The following ITGA2B variants were observed in gnomAD, a reference collection of about 807,000 sequenced individuals.
The protein encoded by ITGA2B is integrin subunit alpha 2b, also known as integrin alpha-IIb.
ITGA2B carries 91 observed loss-of-function variants against 142.0 expected under a neutral mutation model. The ratio of observed to expected loss-of-function variants is 0.64; its 90% CI spans 0.54 to 0.76. ITGA2B has a LOEUF of 0.76. Ranked by LOEUF, ITGA2B falls within the 30% of genes least tolerant of loss-of-function variation. The pLI, the probability that ITGA2B is intolerant of heterozygous loss-of-function variation, is 0.00. For missense variants in ITGA2B, 1,231 were observed against 1,350.8 expected (o/e 0.91, Z 1.39); for synonymous variants, 536 against 567.2 (o/e 0.94, Z 0.78).
chr17:44,385,513 T>C (rs188601974), intron 4 of ITGA2B, 38 bp downstream of exon 4: 2 of 1,536,498 alleles, frequency 1.3e-6, no homozygotes, highest in African/African-American at 1.4e-5. Context: ...GGCCAAGCCG[T>C]CGCGAGTGGG....
chr17:44,375,968 A>C lies in ITGA2B; in HGVS notation c.2466T>G (p.Pro822=). The C allele has an allele frequency of 6.2e-7, 1 of 1,614,106 alleles. No homozygotes were observed. Among genetic ancestry groups the C allele is most frequent in the Non-Finnish European group, 8.5e-7 (1 of 1,180,000 alleles). ...TGAGGTGAAGACCATTCACAGTCCC[A>C]GGGCCATTGTTGTGGAGCTGAAGGG... The part of the protein sequence containing the change: ...EHTYELHNNG[P]GTVNGLHLSI... The change falls in exon 25 of 30, where the codon CCT becomes CCG. Residue 822 remains proline (P), a synonymous_variant. Transcript: ENST00000262407.
chr17:44,379,884 C>G, intron 17 of ITGA2B, 70 bp from the exon 18 acceptor site: 1 of 1,612,636 alleles, frequency 6.2e-7, no homozygotes, highest in South Asian at 1.1e-5. Context: ...CCAGTAGGCA[C>G]CGTGTCCTGA....
Position 44,378,631 on chromosome 17 carries a change from A to G in ITGA2B, c.1946+12T>C. On this transcript the variant is annotated intron_variant, in intron 19 of 29. Coordinates refer to ENST00000262407, the MANE Select transcript of ITGA2B (RefSeq NM_000419.5). The stretch of plus-strand genomic sequence containing the variant: ...AAGGGCCAGGGTCGGGCAGAATGGG[A>G]GGCCTCCTCACACGCTGGCAGTGAG... 1 of 1,570,152 alleles carries G rather than the reference A, an allele frequency of 6.4e-7. No homozygotes were observed. Among genetic ancestry groups the G allele is most frequent in the Non-Finnish European group, 8.6e-7 (1 of 1,157,294 alleles).
At chr17:44,380,742 G>A (rs2048588951) in intron 13 of ITGA2B, 97 bp from the exon 14 acceptor site, 3 of 1,595,028 alleles carry the variant, frequency 1.9e-6, no homozygotes, top group Non-Finnish European at 2.6e-6. Flanking sequence ...CCCCACTGGA[G>A]GTTTCACCCA....
In ITGA2B at chr17:44,389,329, G is replaced by A. The variant is rs755904345; in HGVS notation, c.145C>T (p.Gln49Ter). 3 of 1,614,148 alleles carry A rather than the reference G, an allele frequency of 1.9e-6. No individual in the cohort carries two copies. The Admixed American group carries it at 5.0e-5, about 27-fold the overall frequency. ...TGGAAGTCCAGTGAAAATCCAAACT[G>A]GCTGCCATTGGGGCCTGCATAGAAG... ...LTFYAGPNGS[Q>*]FGFSLDFHKD... The change falls in exon 1 of 30, where the codon CAG (glutamine) becomes TAG (stop). Residue 49 changes from glutamine (Q) to a stop codon, truncating the protein, a stop_gained. Transcript: ENST00000262407. LOFTEE classifies it high-confidence loss of function.
In ITGA2B at chr17:44,377,032, C is replaced by A. The variant is rs1376263431; in HGVS notation, c.2244G>T (p.Val748=). Residue 748 remains valine (V), a synonymous_variant, in exon 22 of 30, where the codon GTG becomes GTT. Coordinates refer to ENST00000262407, the MANE Select transcript of ITGA2B (RefSeq NM_000419.5). ...VGNLEEAGES[V]SFQLQIRSKN... Reference sequence around the variant, plus strand: ...ACCTCCGTATCTGCAGCTGGAAGGACACAGACTCCCCAGCCTCTTCCAGAT... The same window carrying A: ...ACCTCCGTATCTGCAGCTGGAAGGAAACAGACTCCCCAGCCTCTTCCAGAT... The A allele has an allele frequency of 1.9e-6, 3 of 1,593,002 alleles. No individual in the cohort carries two copies. The highest frequency in any genetic ancestry group is 1.7e-4 in the Middle Eastern group (1 of 5,988).
chr17:44,379,705 G>C lies in ITGA2B; in HGVS notation c.1862C>G (p.Thr621Ser), dbSNP rs1046478560. The C allele has an allele frequency of 6.2e-7, 1 of 1,613,786 alleles. No homozygotes were observed. Among genetic ancestry groups the C allele is most frequent in the Non-Finnish European group, 8.5e-7 (1 of 1,179,960 alleles). The change falls in exon 18 of 30, where the codon ACC becomes AGC. Residue 621 changes from threonine to serine, a missense_variant. By Grantham distance (58) the Thr-to-Ser change is moderately conservative. Coordinates refer to ENST00000262407, the MANE Select transcript of ITGA2B (RefSeq NM_000419.5). ...MAPAVVLHGD[T>S]HVQEQTRIVL... Reference sequence around the variant, plus strand: ...TGTCCCTACCTGCTCCTGCACATGGGTGTCTCCATGCAGCACGACAGCAGG... The same window carrying C: ...TGTCCCTACCTGCTCCTGCACATGGCTGTCTCCATGCAGCACGACAGCAGG...
At chr17:44,385,447 G>A in intron 4 of ITGA2B, 104 bp downstream of exon 4, 8 of 1,523,212 alleles carry the variant, frequency 5.3e-6, no homozygotes, top group African/African-American at 1.4e-5. Flanking sequence ...GCCCTGGGGC[G>A]AGGCCAGATC....
chr17:44,387,586 G>A (rs2048660578), intron 1 of ITGA2B, among the ~76,000 whole-genome samples: 1 of 151,506 alleles, frequency 6.6e-6, no homozygotes, highest in African/African-American at 2.4e-5. Context: ...AGCACTTTGG[G>A]AGGCCAAGGC....
chr17:44,374,510 C>T, intron 28 of ITGA2B, 40 bp from the exon 29 acceptor site: 1 of 1,588,388 alleles, frequency 6.3e-7, no homozygotes, highest in Non-Finnish European at 8.6e-7. Context: ...CACCTTGACA[C>T]CTGCCTTTCA....
Position 44,375,118 on chromosome 17 carries a change from G to T in ITGA2B, c.2728-7C>A. On this transcript the variant is annotated splice_region_variant and splice_polypyrimidine_tract_variant and intron_variant, in intron 26 of 29. Coordinates refer to ENST00000262407, the MANE Select transcript of ITGA2B (RefSeq NM_000419.5). ...AGGGCGCCGAGTCGCAGCTCTGAGG[G>T]GAAGCATCGTCAGTCCCCAGCCCGT... 1 of 1,547,720 alleles carries T rather than the reference G, an allele frequency of 6.5e-7. No homozygotes were observed.
chr17:44,379,545 T>C, intron 18 of ITGA2B, 144 bp downstream of exon 18: 2 of 1,334,670 alleles, frequency 1.5e-6, no homozygotes, highest in South Asian at 1.2e-5. Flanking sequence ...TGAGCCACCA[T>C]GACTGGCTGG....
rs751210971 is a variant in ITGA2B, at chr17:44,375,073, G to T, written c.2766C>A (p.Asp922Glu). The change falls in exon 27 of 30, where the codon GAC (aspartate) becomes GAA (glutamate). Residue 922 changes from aspartate to glutamate, a missense_variant. By Grantham distance (45) the Asp-to-Glu change is conservative. This residue lies in a region of ITGA2B where 908 missense variants were observed against 1,021.1 expected (regional missense o/e 0.89). Transcript: ENST00000262407. ...GCTGCCCGCGCGCCATCTCCTGCAG[G>T]TCACACTGCACCACAGTACAGGGCG... ...DSAPCTVVQC[D>E]LQEMARGQRA... The T allele has an allele frequency of 1.3e-6, 2 of 1,548,786 alleles. No individual in the cohort carries two copies. Among genetic ancestry groups the T allele is most frequent in the Non-Finnish European group, 1.7e-6 (2 of 1,146,966 alleles).
In ITGA2B at chr17:44,385,064, T is replaced by C; in HGVS notation, c.683A>G (p.Gln228Arg). ...CGAGAAAATATCCGCAACTGGAGCC[T>C]GGGCCAGGAGACCTAGGGCGGGAGG... ...GGYYFLGLLA[Q>R]APVADIFSSY... The change falls in exon 7 of 30, where the codon CAG (glutamine) becomes CGG (arginine). Residue 228 changes from glutamine (Q) to arginine (R), a missense_variant. By Grantham distance (43) the Gln-to-Arg change is conservative. Transcript: ENST00000262407. 1 of 1,613,730 alleles carries C rather than the reference T, an allele frequency of 6.2e-7. No individual in the cohort carries two copies. Among genetic ancestry groups the C allele is most frequent in the Non-Finnish European group, 8.5e-7 (1 of 1,179,928 alleles).
At chr17:44,388,818 CTT>C (rs758076614) in intron 1 of ITGA2B, among the ~76,000 whole-genome samples, 8 of 132,194 alleles carry the variant, frequency 6.1e-5, no homozygotes, top group Non-Finnish European at 6.4e-5. Context: ...TGCCTGGTCT[CTT>C]TTTTTTTTTT....
chr17:44,376,639 G>A (rs916173892), intron 22 of ITGA2B, among the ~76,000 whole-genome samples: 3 of 151,132 alleles, frequency 2.0e-5, no homozygotes, highest in Non-Finnish European at 3.0e-5. Flanking sequence ...TCGCACTGTC[G>A]CCCAGGCTGG....
chr17:44,387,002 T>C (rs919493887), intron 1 of ITGA2B, among the ~76,000 whole-genome samples: 3 of 152,170 alleles, frequency 2.0e-5, no homozygotes, highest in Non-Finnish European at 2.9e-5. Context: ...GGCTCACACC[T>C]GTAATCCCAG....
intron 18 of ITGA2B, 96 bp downstream of exon 18, chr17:44,379,593 G>A: frequency 6.3e-7 from 1 of 1,583,444 alleles, no homozygotes; most frequent in East Asian, 2.2e-5. Context: ...ATGACATCAA[G>A]GTTTTGGGGT....
chr17:44,378,664 T>C lies in ITGA2B; in HGVS notation c.1925A>G (p.Gln642Arg). Reference sequence around the variant, plus strand: ...TCACACGCTGGCAGTGAGCTGAAGCTGGGGCACACATACGTCATCTTCCCC... The same window carrying C: ...TCACACGCTGGCAGTGAGCTGAAGCCGGGGCACACATACGTCATCTTCCCC... ...DCGEDDVCVP[Q>R]LQLTASVTGS... The change falls in exon 19 of 30, where the codon CAG (glutamine) becomes CGG (arginine). Residue 642 changes from glutamine to arginine, a missense_variant. Gln to Arg is a conservative substitution (Grantham distance 43). Around this residue, in one of 3 missense-constraint regions of ITGA2B, gnomAD observed 908 missense variants for 1,021.1 expected, o/e 0.89. Transcript: ENST00000262407. 1 of 1,562,806 alleles carries C rather than the reference T, an allele frequency of 6.4e-7. No homozygotes were observed. Among genetic ancestry groups the C allele is most frequent in the South Asian group, 1.2e-5 (1 of 84,856 alleles).
Sources: allele counts gnomAD v4.1 joint callset (sites outside exome capture counted in the v4.1 genomes callset), GRCh38; gene constraint gnomAD v4.1.1; regional missense constraint gnomAD v4.1.1; transcripts MANE v1.5; gene names NCBI Gene and HGNC (gene_info 2026-07-23, HGNC 2026-07-21).